The following PARN variants were observed in gnomAD, a reference collection of about 807,000 sequenced individuals.
PARN encodes the protein poly(A)-specific ribonuclease PARN.
Under a neutral mutation model 102.8 loss-of-function variants are expected in PARN, and 71 were observed. The observed-to-expected ratio is 0.69, with a 90% CI of 0.57 to 0.84. PARN has a LOEUF of 0.84. PARN is among the 40% of genes least tolerant of loss of function. The pLI is 0.00. For synonymous variants in PARN, 261 were observed against 252.9 expected (o/e 1.03, Z -0.30); for missense variants, 782 against 760.9 (o/e 1.03, Z -0.33).
intron 21 of PARN, among the ~76,000 whole-genome samples, chr16:14,546,430 TTTTA>T (rs970905763): frequency 6.6e-6 from 1 of 152,236 alleles, no homozygotes; most frequent in African/African-American, 2.4e-5. Flanking sequence ...GAATTTGGGC[TTTTA>T]TTTTATTTAT....
intron 8 of PARN, among the ~76,000 whole-genome samples, chr16:14,608,672 C>A (rs916699718): frequency 6.6e-6 from 1 of 152,206 alleles, no homozygotes; most frequent in Admixed American, 6.5e-5. Context: ...ACGTTACTGA[C>A]TCTTTGAAAT....
At chr16:14,453,469 T>C (rs1350288345) in intron 22 of PARN, among the ~76,000 whole-genome samples, 1 of 152,208 alleles carries the variant, frequency 6.6e-6, no homozygotes, top group Non-Finnish European at 1.5e-5. Context: ...TTACATGCAA[T>C]GGAATTCACT....
intron 22 of PARN, among the ~76,000 whole-genome samples, chr16:14,469,970 T>C (rs545835959): frequency 6.6e-6 from 1 of 152,326 alleles, no homozygotes; most frequent in African/African-American, 2.4e-5. Flanking sequence ...TAGCACCTTA[T>C]ACTATCACAA....
At chr16:14,627,881 C>T (rs1235351288) in intron 3 of PARN, among the ~76,000 whole-genome samples, 3 of 152,114 alleles carry the variant, frequency 2.0e-5, no homozygotes, top group Non-Finnish European at 2.9e-5. Flanking sequence ...CAGTGGCTTG[C>T]GCCTGTAGTC....
intron 23 of PARN, among the ~76,000 whole-genome samples, chr16:14,445,319 T>C (rs997913558): frequency 3.3e-5 from 5 of 152,138 alleles, no homozygotes; most frequent in African/African-American, 9.7e-5. Context: ...TTAATATCCA[T>C]GAGATTCAGA....
intron 21 of PARN, among the ~76,000 whole-genome samples, chr16:14,518,259 T>C (rs1965555305): frequency 9.7e-6 from 1 of 103,492 alleles, no homozygotes; most frequent in South Asian, 3.6e-4. Flanking sequence ...ACCACTACAC[T>C]CCAGCCTAGG....
Position 14,610,711 on chromosome 16 carries a change from A to T in PARN, c.487T>A (p.Ser163Thr). 6.2e-7 allele frequency: 1 copy of T among 1,606,796 alleles called. No homozygotes were observed. Among genetic ancestry groups the T allele is most frequent in the Non-Finnish European group, 8.5e-7 (1 of 1,173,424 alleles). Residue 163 changes from serine to threonine, a missense_variant, in exon 7 of 24, where the codon TCT (serine) becomes ACT (threonine). Coordinates refer to ENST00000437198, the MANE Select transcript of PARN (RefSeq NM_002582.4). Reference sequence around the variant, plus strand: ...ACAGGACATTTTGAAGTGTTAGGAGATACATAGGACAGAGCTCCTGCACCA... The same window carrying T: ...ACAGGACATTTTGAAGTGTTAGGAGTTACATAGGACAGAGCTCCTGCACCA... ...ANGAGALSYV[S>T]PNTSKCPVTI...
intron 22 of PARN, among the ~76,000 whole-genome samples, chr16:14,467,322 C>G (rs1310561258): frequency 3.3e-5 from 5 of 152,250 alleles, no homozygotes; most frequent in African/African-American, 9.6e-5. Context: ...TTTCAGCCCC[C>G]CTCAGAACAA....
At chr16:14,559,896 G>A (rs768869257) in intron 18 of PARN, among the ~76,000 whole-genome samples, 29 of 152,162 alleles carry the variant, frequency 1.9e-4, no homozygotes, top group Admixed American at 1.0e-3. Context: ...AGAGCGCCAC[G>A]CAATTGTGAA....
chr16:14,512,265 G>C (rs1965228106), intron 21 of PARN, among the ~76,000 whole-genome samples: 1 of 152,180 alleles, frequency 6.6e-6, no homozygotes, highest in Admixed American at 6.5e-5. Context: ...ATTTTGGGAG[G>C]CTGAGGCAGG....
intron 13 of PARN, among the ~76,000 whole-genome samples, chr16:14,588,936 T>A (rs1168145540): frequency 6.6e-6 from 1 of 151,212 alleles, no homozygotes; most frequent in Non-Finnish European, 1.5e-5. Context: ...TCCCAGAGCA[T>A]TGGGAGGCCA....
intron 22 of PARN, among the ~76,000 whole-genome samples, chr16:14,449,369 G>A (rs1226225301): frequency 6.6e-6 from 1 of 152,102 alleles, no homozygotes; most frequent in Non-Finnish European, 1.5e-5. Context: ...ATGCCTAATG[G>A]ATTAGATATC....
chr16:14,520,813 T>C (rs1965697793), intron 21 of PARN, among the ~76,000 whole-genome samples: 1 of 152,186 alleles, frequency 6.6e-6, no homozygotes, highest in Non-Finnish European at 1.5e-5. Flanking sequence ...TTCGTAGAGA[T>C]GAAACAGGAC....
chr16:14,465,234 C>G (rs543731501), intron 22 of PARN, among the ~76,000 whole-genome samples: 1 of 152,128 alleles, frequency 6.6e-6, no homozygotes, highest in Non-Finnish European at 1.5e-5. Context: ...AGCTCGGGTG[C>G]CACCAAGCTC....
chr16:14,531,077 G>A (rs1040761745), intron 21 of PARN, among the ~76,000 whole-genome samples: 2 of 152,136 alleles, frequency 1.3e-5, no homozygotes, highest in Admixed American at 6.5e-5. Context: ...CAGGCCAGGC[G>A]TGGTGTCTCA....
chr16:14,488,465 G>C (rs1963857532), intron 21 of PARN, among the ~76,000 whole-genome samples: 1 of 152,174 alleles, frequency 6.6e-6, no homozygotes. Flanking sequence ...ACTGGAAGAA[G>C]ATATCTGTAA....
At chr16:14,496,616 T>A (rs993048167) in intron 21 of PARN, among the ~76,000 whole-genome samples, 1 of 152,124 alleles carries the variant, frequency 6.6e-6, no homozygotes, top group Non-Finnish European at 1.5e-5. Context: ...ACAAGAATAA[T>A]TTAAGGTAAA....
rs903739320 is a variant in PARN at position 14,484,478 on chromosome 16, G to A, written c.1481-1651C>T. Among the ~76,000 whole-genome samples the A allele has an allele frequency of 3.9e-5, 6 of 152,328 alleles. No individual in the cohort carries two copies. The South Asian group carries it at 1.0e-3, about 26-fold the overall frequency. ...TCTTTGTACCTGGTAGCTGCAAAGC[G>A]CCATGATGTCAGAAACAGAATCTGT... On this transcript the variant is annotated intron_variant, in intron 21 of 23. Transcript: ENST00000437198.
intron 7 of PARN, 89 bp downstream of exon 7, chr16:14,610,555 G>GT: frequency 1.3e-6 from 1 of 773,132 alleles, no homozygotes; most frequent in East Asian, 2.5e-5. Context: ...TGTGTACTAT[G>GT]TTTGTAAAGC....
Sources: allele counts gnomAD v4.1 joint callset (sites outside exome capture counted in the v4.1 genomes callset), GRCh38; gene constraint gnomAD v4.1.1; transcripts MANE v1.5; gene names NCBI Gene and HGNC (gene_info 2026-07-23, HGNC 2026-07-21).